The following DOCK7 variants were observed in gnomAD, a reference collection of about 807,000 sequenced individuals.
The protein encoded by DOCK7 is dedicator of cytokinesis protein 7.
A neutral mutation model predicts 271.0 loss-of-function variants in DOCK7; 138 were observed. The observed-to-expected ratio is 0.51, with a 90% CI of 0.44 to 0.59. DOCK7 has a LOEUF of 0.59. DOCK7 is among the 20% of genes least tolerant of loss of function. The pLI, the probability that DOCK7 is intolerant of heterozygous loss-of-function variation, is 0.00. For synonymous variants in DOCK7, 823 were observed against 876.1 expected (o/e 0.94, Z 1.07); for missense variants, 2,066 against 2,592.4 (o/e 0.80, Z 4.41).
At chr1:62,665,430 G>A (rs1355924342) in intron 1 of DOCK7, among the ~76,000 whole-genome samples, 1 of 152,048 alleles carries the variant, frequency 6.6e-6, no homozygotes. Flanking sequence ...AACAGGCCAG[G>A]CGCGGTGGCT....
intron 1 of DOCK7, among the ~76,000 whole-genome samples, chr1:62,685,799 A>C (rs1205346838): frequency 6.6e-6 from 1 of 152,154 alleles, no homozygotes; most frequent in Non-Finnish European, 1.5e-5. Flanking sequence ...TGGTTGCCCA[A>C]CTTAGGATGT....
chr1:62,555,368 TTA>T (rs961876571), intron 21 of DOCK7: 2 of 152,402 alleles, frequency 1.3e-5, no homozygotes, highest in African/African-American at 4.8e-5. Flanking sequence ...CTTGTCTTTT[TTA>T]TGTTTAAAAG....
At chr1:62,531,098 C>A (rs547037658) in intron 29 of DOCK7, among the ~76,000 whole-genome samples, 5 of 152,310 alleles carry the variant, frequency 3.3e-5, no homozygotes, top group Non-Finnish European at 2.9e-5. Flanking sequence ...ATATTCTCTT[C>A]TCAGGATTTT....
At chr1:62,497,412 G>A (rs1646655088) in intron 37 of DOCK7, among the ~76,000 whole-genome samples, 1 of 151,984 alleles carries the variant, frequency 6.6e-6, no homozygotes, top group African/African-American at 2.4e-5. Flanking sequence ...CCATCTGGAT[G>A]TCTCATAGGT....
In DOCK7 at chr1:62,672,300, C is replaced by T. The variant is rs550015466; in HGVS notation, c.39-9170G>A. ...TATTAGAAATCTTTCCATATTGGCA[C>T]ATAAAACTAATAAAACTAGCAACAT... is the stretch of plus-strand genomic sequence containing the variant. On this transcript the variant is annotated intron_variant, in intron 1 of 49. Coordinates refer to ENST00000635253, the MANE Select transcript of DOCK7 (RefSeq NM_001367561.1). Among the ~76,000 whole-genome samples, 109 of 152,232 alleles carry T rather than the reference C, an allele frequency of 7.2e-4. 1 individual carries two copies. Among genetic ancestry groups the T allele is most frequent in the South Asian group, 6.6e-3 (32 of 4,822 alleles).
chr1:62,681,550 T>A (rs35855650), intron 1 of DOCK7, among the ~76,000 whole-genome samples: 1,672 of 7,468 alleles, frequency 0.22, 31 homozygotes, highest in South Asian at 0.28. Context: ...ATAAAAAAAA[T>A]AAAATAAAAA....
intron 33 of DOCK7, 68 bp from the exon 34 acceptor site, chr1:62,510,741 C>T: frequency 1.7e-6 from 2 of 1,206,810 alleles, no homozygotes; most frequent in Non-Finnish European, 2.4e-6. Flanking sequence ...TGTATACTTG[C>T]AATCATGTAA....
chr1:62,479,543 T>C (rs1646058589), intron 43 of DOCK7, among the ~76,000 whole-genome samples: 1 of 152,036 alleles, frequency 6.6e-6, no homozygotes, highest in South Asian at 2.1e-4. Context: ...TAATAGTAAA[T>C]TCTGACTTAA....
chr1:62,563,173 C>T (rs936567031), intron 18 of DOCK7, among the ~76,000 whole-genome samples: 7 of 152,078 alleles, frequency 4.6e-5, no homozygotes, highest in African/African-American at 1.2e-4. Flanking sequence ...CACCCAGTAA[C>T]GAGCCCCCTC....
rs527582575 is a variant in DOCK7 at position 62,646,042 on chromosome 1, G to C, written c.818+1649C>G. Among the ~76,000 whole-genome samples the C allele has an allele frequency of 1.2e-3, 183 of 152,072 alleles. 1 individual carries two copies. The highest frequency in any genetic ancestry group is 2.8e-3 in the Admixed American group (42 of 15,272). Reference sequence around the variant, plus strand: ...TGCACCTGTAATCCCAGCTACTCAGGGGGCTGAGGCAGGAGAATCGCTTGA... The same window carrying C: ...TGCACCTGTAATCCCAGCTACTCAGCGGGCTGAGGCAGGAGAATCGCTTGA... On this transcript the variant is annotated intron_variant, in intron 7 of 49. Coordinates refer to ENST00000635253, the MANE Select transcript of DOCK7 (RefSeq NM_001367561.1).
intron 1 of DOCK7, among the ~76,000 whole-genome samples, chr1:62,664,995 A>G (rs1332221512): frequency 2.0e-5 from 3 of 152,118 alleles, no homozygotes; most frequent in South Asian, 2.1e-4. Context: ...TAGGGCTTTT[A>G]TTTATTTATT....
intron 48 of DOCK7, among the ~76,000 whole-genome samples, chr1:62,467,171 C>T (rs771386233): frequency 3.3e-5 from 5 of 152,150 alleles, no homozygotes; most frequent in Non-Finnish European, 5.9e-5. Context: ...AGCCATCAGG[C>T]CCAAGACAAT....
intron 14 of DOCK7, chr1:62,604,172 T>G (rs1355948879): frequency 1.2e-6 from 2 of 1,613,342 alleles, no homozygotes; most frequent in Non-Finnish European, 1.7e-6. Context: ...AAACAAAGAT[T>G]TGGTGTTTTC....
At chr1:62,558,900 A>T in intron 20 of DOCK7, 89 bp downstream of exon 20, 1 of 1,097,176 alleles carries the variant, frequency 9.1e-7, no homozygotes. Context: ...TATATATAGC[A>T]AATAGAAATC....
At chr1:62,677,155 T>G (rs1660626557) in intron 1 of DOCK7, among the ~76,000 whole-genome samples, 1 of 152,204 alleles carries the variant, frequency 6.6e-6, no homozygotes, top group Non-Finnish European at 1.5e-5. Flanking sequence ...TTATCCTCAT[T>G]CTTTAGGTTA....
At chr1:62,600,847 A>G (rs151095319) in intron 14 of DOCK7, among the ~76,000 whole-genome samples, 1 of 151,810 alleles carries the variant, frequency 6.6e-6, no homozygotes, top group African/African-American at 2.4e-5. Context: ...TTTCCGACCA[A>G]TGTCTGCTTT....
intron 10 of DOCK7, among the ~76,000 whole-genome samples, chr1:62,632,882 C>A (rs1654797136): frequency 6.6e-6 from 1 of 151,832 alleles, no homozygotes; most frequent in Non-Finnish European, 1.5e-5. Context: ...GAGGCTGAGG[C>A]AGGAGAATCA....
At chr1:62,557,471 T>TAAA (rs1265583385) in intron 20 of DOCK7, among the ~76,000 whole-genome samples, 2 of 151,486 alleles carry the variant, frequency 1.3e-5, no homozygotes, top group Non-Finnish European at 2.9e-5. Context: ...CTTTCTCTTC[T>TAAA]AACTTAACTT....
intron 18 of DOCK7, among the ~76,000 whole-genome samples, chr1:62,565,215 C>T (rs1001339770): frequency 2.6e-5 from 4 of 152,128 alleles, no homozygotes; most frequent in Non-Finnish European, 4.4e-5. Flanking sequence ...CAGCATCATC[C>T]TGATACCAAA....
Sources: gnomAD v4.1 joint callset for allele counts (sites outside exome capture counted in the v4.1 genomes callset) on GRCh38, gnomAD v4.1.1 for gene constraint, MANE v1.5 for transcripts, NCBI Gene and HGNC (gene_info 2026-07-23, HGNC 2026-07-21) for gene names.